MORN1: variants seen among roughly 807,000 people sequenced by gnomAD.
The protein encoded by MORN1 is MORN repeat containing 1, also known as MORN repeat-containing protein 1.
A neutral mutation model predicts 61.9 loss-of-function variants in MORN1; 67 were observed. That is an observed-to-expected ratio of 1.08 (90% CI 0.89 to 1.33). The LOEUF is 1.33. Among genes scored for constraint, MORN1 ranks in the 40% most tolerant of loss-of-function variants. The pLI is 0.00. For missense variants in MORN1, 752 were observed against 691.2 expected (o/e 1.09, Z -0.99); for synonymous variants, 301 against 292.0 (o/e 1.03, Z -0.31).
At chr1:2,381,753 G>A (rs1026100859) in intron 6 of MORN1, among the ~76,000 whole-genome samples, 3 of 152,188 alleles carry the variant, frequency 2.0e-5, no homozygotes, top group African/African-American at 4.8e-5. Flanking sequence ...CCGCTTGGGG[G>A]CCCGGCTCTC....
At chr1:2,378,973 A>C (rs1017576014) in intron 6 of MORN1, 3 of 468,364 alleles carry the variant, frequency 6.4e-6, no homozygotes, top group Non-Finnish European at 1.3e-5. Flanking sequence ...ATTTTCCGTC[A>C]GAAGAAGCTG....
At chr1:2,323,547 G>A (rs1640930601) in intron 13 of MORN1, 1 of 985,212 alleles carries the variant, frequency 1.0e-6, no homozygotes, top group Non-Finnish European at 1.2e-6. Context: ...GCTTGGTGGG[G>A]GGGTGCCAGG....
chr1:2,360,316 G>A (rs546721338), intron 8 of MORN1, among the ~76,000 whole-genome samples: 4 of 152,288 alleles, frequency 2.6e-5, no homozygotes, highest in African/African-American at 9.6e-5. Flanking sequence ...GGAGTAACTG[G>A]GATCGATTGA....
intron 2 of MORN1, chr1:2,388,586 TGAGC>T: frequency 2.2e-6 from 1 of 461,370 alleles, no homozygotes; most frequent in South Asian, 2.4e-5. Context: ...GCAGCCAGCC[TGAGC>T]AACACGGAGA....
In MORN1 at chr1:2,391,508, G is replaced by A; in HGVS notation, c.26C>T (p.Pro9Leu). The change falls in exon 1 of 14, where the codon CCG (proline) becomes CTG (leucine). Residue 9 changes from proline (P) to leucine (L), a missense_variant. Coordinates refer to ENST00000378531, the MANE Select transcript of MORN1 (RefSeq NM_024848.3). ...GTCCCGACGCGGCCCGCGGGAGCTC[G>A]GGGTGCCCTCGCCCGCCGCTGCCAT... MAAAGEGT[P>L]SSRGPRRDPP... 1.6e-6 allele frequency: 2 copies of A among 1,250,994 alleles called. No homozygotes were observed. The highest frequency in any genetic ancestry group is 1.0e-6 in the Non-Finnish European group (1 of 991,732). 77.5% of individuals were successfully genotyped at this position (1,250,994 alleles called of 1,614,324 possible).
intron 6 of MORN1, among the ~76,000 whole-genome samples, chr1:2,380,035 T>G (rs1009079486): frequency 5.3e-5 from 8 of 151,654 alleles, no homozygotes; most frequent in Non-Finnish European, 1.2e-4. Context: ...GTGGTGGTGG[T>G]GGGGGGTGCG....
chr1:2,388,179 C>T, intron 3 of MORN1, 60 bp downstream of exon 3: 1 of 1,369,316 alleles, frequency 7.3e-7, no homozygotes, highest in Non-Finnish European at 1.0e-6. Context: ...ACTCGGCGGA[C>T]CAACTGAGCC....
chr1:2,342,022 C>T lies in MORN1; in HGVS notation c.1037-5172G>A, dbSNP rs374532348. Among the ~76,000 whole-genome samples, 29 of 152,396 alleles carry T rather than the reference C, an allele frequency of 1.9e-4. No homozygotes were observed. In the East Asian group the frequency reaches 5.2e-3, roughly 27 times the overall value. ...CCCGAGCCAAGGCCATGCTTGTCAC[C>T]TCCTGGCAGGCATGCCCCTCCCCAG... is the stretch of plus-strand genomic sequence containing the variant. On this transcript the variant is annotated intron_variant, in intron 10 of 13. Transcript: ENST00000378531.
At chr1:2,379,784 C>T (rs1414468291) in intron 6 of MORN1, among the ~76,000 whole-genome samples, 1 of 152,154 alleles carries the variant, frequency 6.6e-6, no homozygotes, top group East Asian at 1.9e-4. Flanking sequence ...ACTGTGTGCA[C>T]TGTGGGCAGG....
chr1:2,373,561 C>T (rs1642169485), intron 7 of MORN1, among the ~76,000 whole-genome samples: 1 of 152,176 alleles, frequency 6.6e-6, no homozygotes, highest in Non-Finnish European at 1.5e-5. Context: ...TCCTGGAGGG[C>T]TCTGCTGAGG....
At chr1:2,342,738 C>T (rs1050701395) in intron 10 of MORN1, among the ~76,000 whole-genome samples, 6 of 152,168 alleles carry the variant, frequency 3.9e-5, no homozygotes, top group African/African-American at 1.4e-4. Flanking sequence ...CAGCACTGTG[C>T]CTGGCCTCCC....
intron 12 of MORN1, among the ~76,000 whole-genome samples, chr1:2,327,588 G>C (rs1569912550): frequency 6.6e-6 from 1 of 152,234 alleles, no homozygotes; most frequent in Non-Finnish European, 1.5e-5. Context: ...CCAGGCTGCA[G>C]AGGCTCCATC....
chr1:2,357,937 CAGG>C lies in MORN1; in HGVS notation c.870-342_870-340del, dbSNP rs1557880525. Among the ~76,000 whole-genome samples, 1 of 152,194 alleles carries C rather than the reference CAGG, an allele frequency of 6.6e-6. No individual in the cohort carries two copies. Among genetic ancestry groups the C allele is most frequent in the Non-Finnish European group, 1.5e-5 (1 of 68,042 alleles). The stretch of plus-strand genomic sequence containing the variant: ...CCCAAATGTCAGACAGTCCTTAACT[CAGG>C]AGAAGGGCCGGTGGGAAAAGGGAGT... On this transcript the variant is annotated intron_variant, in intron 9 of 13. Transcript: ENST00000378531. This position sits in a 1 kb window ranked among gnomAD's most constrained non-coding sequence, Gnocchi z 6.3.
At chr1:2,325,105 T>TTTCCTTCCTTCCC (rs1250981953) in intron 12 of MORN1, among the ~76,000 whole-genome samples, 4 of 35,258 alleles carry the variant, frequency 1.1e-4, no homozygotes, top group African/African-American at 6.7e-4. Context: ...TTCTCTCCCC[T>TTTCCTTCCTTCCC]TTCCTTCCCT....
At chr1:2,387,704 G>C in intron 3 of MORN1, 175 bp from the exon 4 acceptor site, 1 of 610,306 alleles carries the variant, frequency 1.6e-6, no homozygotes, top group South Asian at 1.9e-5. Context: ...AGCAGGTCTG[G>C]TCTCCCCAAC....
chr1:2,348,657 A>ACGCACG (rs1280766747), intron 10 of MORN1, among the ~76,000 whole-genome samples: 1 of 149,668 alleles, frequency 6.7e-6, no homozygotes, highest in African/African-American at 2.5e-5. Context: ...GCACGCACAC[A>ACGCACG]CGCACGCACA....
At chr1:2,339,465 C>T (rs1028387053) in intron 10 of MORN1, among the ~76,000 whole-genome samples, 3 of 152,182 alleles carry the variant, frequency 2.0e-5, no homozygotes, top group South Asian at 2.1e-4. Context: ...AGGCCGGCAC[C>T]GCACCCGCCA....
Position 2,387,541 on chromosome 1 carries a change from CAAG to C in MORN1, c.248-15_248-13del. ...AGAGAAGGTGTCTCCTGCATGTGGA[CAAG>C]GAGGAGGGGAGACAGGAGGTTCAGT... is the stretch of plus-strand genomic sequence containing the variant. On this transcript the variant is annotated splice_polypyrimidine_tract_variant and intron_variant, in intron 3 of 13. Coordinates refer to ENST00000378531, the MANE Select transcript of MORN1 (RefSeq NM_024848.3). 7.5e-6 allele frequency: 12 copies of C among 1,593,182 alleles called. No individual in the cohort carries two copies. Among genetic ancestry groups the C allele is most frequent in the Non-Finnish European group, 9.4e-6 (11 of 1,165,238 alleles).
In MORN1 at chr1:2,321,577, C is replaced by T. The variant is rs747227944; in HGVS notation, c.1300G>A (p.Glu434Lys). The change falls in exon 14 of 14, where the codon GAG (glutamate) becomes AAG (lysine). Residue 434 changes from glutamate (E) to lysine (K), a missense_variant and splice_region_variant. Physicochemically the swap from Glu to Lys is moderately conservative, Grantham distance 56. Coordinates refer to ENST00000378531, the MANE Select transcript of MORN1 (RefSeq NM_024848.3). ...EEQAAAAHLG[E>K]YVLMIRDVTT... ...ACGTCGCGGATCATGAGCACGTACT[C>T]CCCTGCAAGGGGCGGGTGGGCTGGT... 1.3e-6 allele frequency: 2 copies of T among 1,493,112 alleles called. No individual in the cohort carries two copies. The highest frequency in any genetic ancestry group is 1.8e-4 in the Middle Eastern group (1 of 5,704). The allele number at this position is 1,493,112 out of a possible 1,614,324, so 92.5% of individuals were successfully genotyped here.
Sources: allele counts gnomAD v4.1 joint callset (sites outside exome capture counted in the v4.1 genomes callset), GRCh38; gene constraint gnomAD v4.1.1; non-coding constraint Gnocchi (gnomAD v3.1); transcripts MANE v1.5; gene names NCBI Gene and HGNC (gene_info 2026-07-23, HGNC 2026-07-21).